The following GALE variants were observed in gnomAD, a reference collection of about 807,000 sequenced individuals.
GALE encodes the protein UDP-galactose-4-epimerase.
A neutral mutation model predicts 44.1 loss-of-function variants in GALE; 32 were observed. The ratio of observed to expected loss-of-function variants is 0.73; its 90% CI spans 0.55 to 0.97. The LOEUF (loss-of-function observed/expected upper bound fraction) is 0.97. Ranked by LOEUF, GALE falls within the 50% of genes least tolerant of loss-of-function variation. The probability of loss-of-function intolerance (pLI) is 0.00; values close to 1 mark genes in which losing one functional copy is unlikely to be tolerated. For synonymous variants in GALE, 182 were observed against 183.5 expected, an observed-to-expected ratio of 0.99 and a Z score of 0.06; for missense variants, 423 against 455.6, an observed-to-expected ratio of 0.93 and a Z score of 0.65.
Position 23,798,851 on chromosome 1 carries a change from C to A in GALE, c.121+36G>T. The A allele has an allele frequency of 6.2e-7, 1 of 1,614,066 alleles. No individual in the cohort carries two copies. The highest frequency in any genetic ancestry group is 8.5e-7 in the Non-Finnish European group (1 of 1,179,940). ...GAACCCAGGGTTTTGCTTCTGCCAT[C>A]CCCTCAAGTAGCCCCAGCCCCACTG... is the stretch of plus-strand genomic sequence containing the variant. On this transcript the variant is annotated intron_variant, in intron 3 of 11. Transcript: ENST00000617979. The surrounding 1 kb of genome is among the most constrained non-coding windows in gnomAD (Gnocchi z 4.5).
rs1638949218 is a variant in GALE, at chr1:23,796,362, C to T, written c.874-97G>A. 4.8e-6 allele frequency: 7 copies of T among 1,444,486 alleles called. No individual in the cohort carries two copies. Among genetic ancestry groups the T allele is most frequent in the Non-Finnish European group, 2.9e-6 (3 of 1,029,712 alleles). 89.5% of individuals were successfully genotyped at this position (1,444,486 alleles called of 1,614,324 possible). ...GCAGAAGTGCAGAGCAGCGGCTGGC[C>T]CGCAGGCACCGGGTGCTAGGCAGGC... On this transcript the variant is annotated intron_variant, in intron 10 of 11. Transcript: ENST00000617979. The surrounding 1 kb of genome is among the most constrained non-coding windows in gnomAD (Gnocchi z 5.2).
At chr1:23,797,197 C>G in intron 6 of GALE, 50 bp from the exon 7 acceptor site, 19 of 1,271,910 alleles carry the variant, frequency 1.5e-5, no homozygotes, top group Non-Finnish European at 2.1e-5. Flanking sequence ...GCAGCGTGTC[C>G]CAGCTGAACC....
intron 1 of GALE, 46 bp from the exon 2 acceptor site, chr1:23,799,482 AGGAAGG>A (rs1490139461): frequency 7.3e-6 from 2 of 272,130 alleles, no homozygotes; most frequent in Non-Finnish European, 1.4e-5. Flanking sequence ...CCAGGGTCGC[AGGAAGG>A]GGTTCTGTCT....
intron 1 of GALE, 72 bp from the exon 2 acceptor site, chr1:23,799,508 C>G (rs1639064751): frequency 4.3e-6 from 1 of 231,084 alleles, no homozygotes; most frequent in Non-Finnish European, 8.8e-6. Flanking sequence ...TGCTCAGACC[C>G]AGGCTTGTCC....
chr1:23,796,580 T>G lies in GALE; in HGVS notation c.802A>C (p.Asn268His), dbSNP rs1638962860. ...LKEQCGCRIY[N>H]LGTGTGYSVL... The stretch of plus-strand genomic sequence containing the variant: ...GAATAGCCTGTGCCCGTGCCCAGGT[T>G]GTAGATCTGGCCCACGGAGAACAGG... The change falls in exon 10 of 12, where the codon AAC (asparagine) becomes CAC (histidine). Residue 268 changes from asparagine to histidine, a missense_variant. Asn to His is a moderately conservative substitution (Grantham distance 68). Coordinates refer to ENST00000617979, the MANE Select transcript of GALE (RefSeq NM_001008216.2). This position sits in a 1 kb window ranked among gnomAD's most constrained non-coding sequence, Gnocchi z 5.2. 1 of 1,614,000 alleles carries G rather than the reference T, an allele frequency of 6.2e-7. No homozygotes were observed. The highest frequency in any genetic ancestry group is 1.1e-5 in the South Asian group (1 of 91,086).
Position 23,797,137 on chromosome 1 carries a change from G to T in GALE, c.539C>A (p.Ala180Glu). 1.2e-6 allele frequency: 2 copies of T among 1,607,950 alleles called. No homozygotes were observed. The highest frequency in any genetic ancestry group is 1.7e-6 in the Non-Finnish European group (2 of 1,177,298). The change falls in exon 7 of 12, where the codon GCA becomes GAA. Residue 180 changes from alanine (A) to glutamate (E), a missense_variant. By Grantham distance (107) the Ala-to-Glu change is moderately radical. Transcript: ENST00000617979. ...DLCQADKTWN[A>E]VLLRYFNPTG... Reference sequence around the variant, plus strand: ...GGGGTTGAAATAGCGCAGCAGCACTGCGTTCCAAGTCTGTGGGATGTGGGT... The same window carrying T: ...GGGGTTGAAATAGCGCAGCAGCACTTCGTTCCAAGTCTGTGGGATGTGGGT...
chr1:23,798,293 C>T lies in GALE; in HGVS notation c.238-63G>A. ...TTTAGTCCTTGGCAATGCCCTCAGC[C>T]TGCCTGCCTGCACTCACCTTTTTTT... On this transcript the variant is annotated intron_variant, in intron 4 of 11. Coordinates refer to ENST00000617979, the MANE Select transcript of GALE (RefSeq NM_001008216.2). The surrounding 1 kb of genome is among the most constrained non-coding windows in gnomAD (Gnocchi z 4.5). 1 of 1,167,470 alleles carries T rather than the reference C, an allele frequency of 8.6e-7. No individual in the cohort carries two copies. The highest frequency in any genetic ancestry group is 1.3e-6 in the Non-Finnish European group (1 of 779,768). 72.3% of individuals were successfully genotyped at this position (1,167,470 alleles called of 1,614,324 possible). A position where few individuals can be genotyped will look rare whatever the true frequency, so the allele number is the denominator to read the frequency against.
At position 23,796,262 on chromosome 1, in the gene GALE, G is replaced by A. The variant is rs760274850; in HGVS notation, c.877C>T (p.Pro293Ser). The A allele has an allele frequency of 6.2e-7, 1 of 1,613,646 alleles. No homozygotes were observed. The highest frequency in any genetic ancestry group is 8.5e-7 in the Non-Finnish European group (1 of 1,179,658). The change falls in exon 11 of 12, where the codon CCG becomes TCG. Residue 293 changes from proline to serine, a missense_variant. Transcript: ENST00000617979. This position sits in a 1 kb window ranked among gnomAD's most constrained non-coding sequence, Gnocchi z 5.2. ...TCCCGCCGTGCCACCACCTTGTACG[G>A]GATCTGCAAGACAGGAGGTAGTTGG... is the stretch of plus-strand genomic sequence containing the variant. The part of the protein sequence containing the change: ...AMEKASGKKI[P>S]YKVVARREGD...
chr1:23,795,727 C>CTGA lies in GALE; in HGVS notation c.*219_*221dup. 3 of 605,362 alleles carry CTGA rather than the reference C, an allele frequency of 5.0e-6. No individual in the cohort carries two copies. Among genetic ancestry groups the CTGA allele is most frequent in the Non-Finnish European group, 8.9e-6 (3 of 338,516 alleles). 37.5% of individuals were successfully genotyped at this position (605,362 alleles called of 1,614,324 possible). A position where few individuals can be genotyped will look rare whatever the true frequency, so the allele number is the denominator to read the frequency against. On this transcript the variant is annotated 3_prime_UTR_variant, in exon 12 of 12. Coordinates refer to ENST00000617979, the MANE Select transcript of GALE (RefSeq NM_001008216.2). ...GCCCCCTCACTCACTCTTGGGGGTC[C>CTGA]TGATGAACTCTTGGACCCTGTGGAA...
rs370228054 is a variant in GALE, at chr1:23,797,731, G to A, written c.492C>T (p.Ile164=). 1.1e-4 allele frequency: 180 copies of A among 1,613,996 alleles called. No homozygotes were observed. The highest frequency in any genetic ancestry group is 1.5e-4 in the Non-Finnish European group (172 of 1,180,022). The change falls in exon 6 of 12, where the codon ATC becomes ATT. Residue 164 remains isoleucine (I), a synonymous_variant. Coordinates refer to ENST00000617979, the MANE Select transcript of GALE (RefSeq NM_001008216.2). ...TNPYGKSKFF[I]EEMIRDLCQA... ...GGCACAGGTCCCGGATCATTTCCTC[G>A]ATGAAGAACTTGGACTTGCCGTAAG...
At position 23,796,607 on chromosome 1, in the gene GALE, T is replaced by G. The variant is rs769586387; in HGVS notation, c.796-21A>C. 9 of 1,613,864 alleles carry G rather than the reference T, an allele frequency of 5.6e-6. No individual in the cohort carries two copies. Among genetic ancestry groups the G allele is most frequent in the Non-Finnish European group, 7.6e-6 (9 of 1,179,952 alleles). ...TAGATCTGGCCCACGGAGAACAGGG[T>G]TTATGGAGCGGGCTGGACTGACCAC... On this transcript the variant is annotated intron_variant, in intron 9 of 11. Coordinates refer to ENST00000617979, the MANE Select transcript of GALE (RefSeq NM_001008216.2). The surrounding 1 kb of genome is among the most constrained non-coding windows in gnomAD (Gnocchi z 5.2).
chr1:23,797,605 G>T, intron 6 of GALE, 90 bp downstream of exon 6: 1 of 1,244,410 alleles, frequency 8.0e-7, no homozygotes, highest in Non-Finnish European at 1.2e-6. Context: ...TCCTTAGTGG[G>T]GGTGTTCGGA....
rs1557479812 is a variant in GALE at position 23,797,705 on chromosome 1, TG to T, written c.517del (p.Gln173ArgfsTer51). On this transcript the variant is annotated frameshift_variant, in exon 6 of 12. Coordinates refer to ENST00000617979, the MANE Select transcript of GALE (RefSeq NM_001008216.2). LOFTEE classifies it high-confidence loss of function. The stretch of plus-strand genomic sequence containing the variant: ...CAAGGGGGCCCTCACCTTGTCTGCC[TG>T]GCACAGGTCCCGGATCATTTCCTCG... ...FIEEMIRDLC[Q>X]ADKTWNAVLL... 3 of 1,613,980 alleles carry T rather than the reference TG, an allele frequency of 1.9e-6. No individual in the cohort carries two copies. The highest frequency in any genetic ancestry group is 8.5e-7 in the Non-Finnish European group (1 of 1,179,992).
Position 23,795,841 on chromosome 1 carries a change from T to C in GALE, c.*108A>G, listed in dbSNP as rs1638928680. 1 of 1,106,712 alleles carries C rather than the reference T, an allele frequency of 9.0e-7. No homozygotes were observed. The highest frequency in any genetic ancestry group is 1.5e-5 in the African/African-American group (1 of 64,876). The allele number at this position is 1,106,712 out of a possible 1,614,324, so 68.6% of individuals were successfully genotyped here. On this transcript the variant is annotated 3_prime_UTR_variant, in exon 12 of 12. Coordinates refer to ENST00000617979, the MANE Select transcript of GALE (RefSeq NM_001008216.2). ...AAGCGGGCCCAGCTGGGGTTTGAGGTAGGGGAGGCCTTGGCTTGGCCCCAG... is the reference window on the plus strand; with the variant it reads ...AAGCGGGCCCAGCTGGGGTTTGAGGCAGGGGAGGCCTTGGCTTGGCCCCAG...
chr1:23,799,394 G>A lies in GALE; in HGVS notation c.-34C>T. The A allele has an allele frequency of 2.9e-6, 1 of 344,812 alleles. No homozygotes were observed. The highest frequency in any genetic ancestry group is 5.7e-6 in the Non-Finnish European group (1 of 176,744). The allele number at this position is 344,812 out of a possible 1,614,324, so 21.4% of individuals were successfully genotyped here. A position where few individuals can be genotyped will look rare whatever the true frequency, so the allele number is the denominator to read the frequency against. On this transcript the variant is annotated 5_prime_UTR_variant, in exon 2 of 12. Coordinates refer to ENST00000617979, the MANE Select transcript of GALE (RefSeq NM_001008216.2). ...GGAGTTGGAAAAGATGGAATCTGAG[G>A]ATCCACACTTCTTTGTCCAAGGTGA...
Position 23,795,982 on chromosome 1 carries a change from C to T in GALE, c.1014G>A (p.Lys338=), listed in dbSNP as rs138680803. Residue 338 remains lysine, a synonymous_variant, in exon 12 of 12, where the codon AAG becomes AAA. Coordinates refer to ENST00000617979, the MANE Select transcript of GALE (RefSeq NM_001008216.2). ...GCGTGCCAAAGCCTGAAGGATTCTG[C>T]TTCTGCCAGCGCCAGAGATCCTCAC... is the stretch of plus-strand genomic sequence containing the variant. The part of the protein sequence containing the change: ...RMCEDLWRWQ[K]QNPSGFGTQA 96 of 1,613,938 alleles carry T rather than the reference C, an allele frequency of 5.9e-5. No homozygotes were observed. Among genetic ancestry groups the T allele is most frequent in the Non-Finnish European group, 7.5e-5 (88 of 1,179,994 alleles).
At chr1:23,797,489 A>C (rs892151279) in intron 6 of GALE, among the ~76,000 whole-genome samples, 8 of 152,020 alleles carry the variant, frequency 5.3e-5, no homozygotes, top group Admixed American at 3.3e-4. Context: ...CAAAGTGCTG[A>C]GATTACAGGT....
At position 23,796,933 on chromosome 1, in the gene GALE, C is replaced by A; in HGVS notation, c.652G>T (p.Gly218Trp). 3 of 1,613,412 alleles carry A rather than the reference C, an allele frequency of 1.9e-6. No homozygotes were observed. The highest frequency in any genetic ancestry group is 2.5e-6 in the Non-Finnish European group (3 of 1,179,748). The part of the protein sequence containing the change: ...LMPYVSQVAI[G>W]RREALNVFGN... ...AAGACATTCAGGGCCTCCCGTCGCC[C>A]GATCGCCACCTGGAGGTGGAGATCA... The change falls in exon 8 of 12, where the codon GGG becomes TGG. Residue 218 changes from glycine to tryptophan, a missense_variant. Gly to Trp is a radical substitution (Grantham distance 184, BLOSUM62 -2). Coordinates refer to ENST00000617979, the MANE Select transcript of GALE (RefSeq NM_001008216.2). The surrounding 1 kb of genome is among the most constrained non-coding windows in gnomAD (Gnocchi z 5.2).
Position 23,798,464 on chromosome 1 carries a change from C to T in GALE, c.237+151G>A, listed in dbSNP as rs1357090251. 2 of 706,686 alleles carry T rather than the reference C, an allele frequency of 2.8e-6. No homozygotes were observed. Among genetic ancestry groups the T allele is most frequent in the East Asian group, 5.4e-5 (2 of 37,170 alleles). 43.8% of individuals were successfully genotyped at this position (706,686 alleles called of 1,614,324 possible). ...GGACCACAGGTATGGGCTACCATGC[C>T]CAGCTAATTTTTGTATTTTTCTGTA... On this transcript the variant is annotated intron_variant, in intron 4 of 11. Coordinates refer to ENST00000617979, the MANE Select transcript of GALE (RefSeq NM_001008216.2). The surrounding 1 kb of genome is among the most constrained non-coding windows in gnomAD (Gnocchi z 4.5).
Sources: gnomAD v4.1 joint callset for allele counts (sites outside exome capture counted in the v4.1 genomes callset) on GRCh38, gnomAD v4.1.1 for gene constraint, Gnocchi (gnomAD v3.1) non-coding constraint, MANE v1.5 for transcripts, NCBI Gene and HGNC (gene_info 2026-07-23, HGNC 2026-07-21) for gene names.